CASKIN1: variants seen among roughly 807,000 people sequenced by gnomAD.
CASKIN1 encodes the protein CASK interacting protein 1.
A neutral mutation model predicts 117.5 loss-of-function variants in CASKIN1; 42 were observed. That is an observed-to-expected ratio of 0.36 (90% CI 0.28 to 0.46). CASKIN1 has a LOEUF of 0.46. Among genes scored for constraint, CASKIN1 ranks in the 20% least tolerant of loss-of-function variants. CASKIN1 has a pLI of 1.00. For missense variants in CASKIN1, 2,083 were observed against 2,077.3 expected, an observed-to-expected ratio of 1.00 and a Z score of -0.05; for synonymous variants, 1,148 against 961.7, an observed-to-expected ratio of 1.19 and a Z score of -3.59.
In CASKIN1 at chr16:2,179,091, T is replaced by A; in HGVS notation, c.4010A>T (p.His1337Leu). Residue 1337 changes from histidine to leucine, a missense_variant, in exon 19 of 20, where the codon CAC (histidine) becomes CTC (leucine). Transcript: ENST00000343516. The surrounding 1 kb of genome is among the most constrained non-coding windows in gnomAD (Gnocchi z 5.8). ...GGCTCGCGGGGGCTTGGCGGGCACG[T>A]GCAGCGCGGGCGCGCCGGGGGACGG... ...KPPSPGAPAL[H>L]VPAKPPRAAA... 1.0e-6 allele frequency: 1 copy of A among 981,064 alleles called. No homozygotes were observed. Among genetic ancestry groups the A allele is most frequent in the Non-Finnish European group, 1.2e-6 (1 of 830,884 alleles). The allele number at this position is 981,064 out of a possible 1,614,324, so 60.8% of individuals were successfully genotyped here.
intron 3 of CASKIN1, 102 bp from the exon 4 acceptor site, chr16:2,189,666 TG>T: frequency 2.5e-6 from 3 of 1,180,500 alleles, no homozygotes; most frequent in Non-Finnish European, 3.5e-6. Context: ...AGTCCAACCC[TG>T]GGGGGTGGGA....
chr16:2,187,762 C>T lies in CASKIN1; in HGVS notation c.618-301G>A, dbSNP rs369704461. 4.4e-4 allele frequency among the ~76,000 whole-genome samples: 67 copies of T among 152,246 alleles called. No individual in the cohort carries two copies. The East Asian group carries it at 0.012, about 27-fold the overall frequency. ...TCAGCCTCCGGAGTAGCTGGGATCA[C>T]AGGCACCTGCCACCACACCCAGCTA... On this transcript the variant is annotated intron_variant, in intron 6 of 19. Coordinates refer to ENST00000343516, the MANE Select transcript of CASKIN1 (RefSeq NM_020764.4).
chr16:2,185,212 G>C lies in CASKIN1; in HGVS notation c.1151-13C>G, dbSNP rs1444054015. ...CTTCGGTCCCCACCTGCCAGCACAA[G>C]GGAGCAAGATGAGGCCAGTGCCGGC... is the stretch of plus-strand genomic sequence containing the variant. On this transcript the variant is annotated splice_polypyrimidine_tract_variant and intron_variant, in intron 11 of 19. Transcript: ENST00000343516. 6.2e-7 allele frequency: 1 copy of C among 1,611,416 alleles called. No individual in the cohort carries two copies. Among genetic ancestry groups the C allele is most frequent in the Non-Finnish European group, 8.5e-7 (1 of 1,179,246 alleles).
chr16:2,189,330 C>T lies in CASKIN1; in HGVS notation c.394G>A (p.Glu132Lys), dbSNP rs1423243071. The T allele has an allele frequency of 6.2e-7, 1 of 1,612,994 alleles. No homozygotes were observed. The highest frequency in any genetic ancestry group is 1.7e-5 in the Admixed American group (1 of 59,998). The change falls in exon 5 of 20, where the codon GAG (glutamate) becomes AAG (lysine). Residue 132 changes from glutamate to lysine, a missense_variant. By Grantham distance (56) the Glu-to-Lys change is moderately conservative (BLOSUM62 1). Transcript: ENST00000343516. ...TTAGACTGGTGCTGTAGCAGCATCT[C>T]AGACTGGGGGCCAAGGGCGCAGTCA... is the stretch of plus-strand genomic sequence containing the variant. ...AAQHGHYDVS[E>K]MLLQHQSNPC...
Position 2,183,833 on chromosome 16 carries a change from C to A in CASKIN1, c.1525G>T (p.Glu509Ter), listed in dbSNP as rs750494516. 1 of 1,612,594 alleles carries A rather than the reference C, an allele frequency of 6.2e-7. No individual in the cohort carries two copies. The highest frequency in any genetic ancestry group is 1.3e-5 in the African/African-American group (1 of 74,934). ...DLPTISRMTP[E>*]DLTAIGVTKP... ...CTGGCGGCGCATGGAAAGCTCACCTCGGGAGTCATGCGGCTGATGGTGGGC... is the reference window on the plus strand; with the variant it reads ...CTGGCGGCGCATGGAAAGCTCACCTAGGGAGTCATGCGGCTGATGGTGGGC... The change falls in exon 15 of 20, where the codon GAG (glutamate) becomes TAG (stop). Residue 509 changes from glutamate to a stop codon, truncating the protein, a stop_gained and splice_region_variant. Coordinates refer to ENST00000343516, the MANE Select transcript of CASKIN1 (RefSeq NM_020764.4). LOFTEE classifies it high-confidence loss of function.
rs116093692 is a variant in CASKIN1 at position 2,186,990 on chromosome 16, C to T, written c.918G>A (p.Gly306=). 1,267 of 1,613,706 alleles carry T rather than the reference C, an allele frequency of 7.9e-4. 8 individuals are homozygous for T. The African/African-American group carries it at 0.015, about 19-fold the overall frequency. The change falls in exon 9 of 20, where the codon GGG becomes GGA. Residue 306 remains glycine (G), a synonymous_variant. Coordinates refer to ENST00000343516, the MANE Select transcript of CASKIN1 (RefSeq NM_020764.4). ...GGGCCATGCTTACTGTGATGATGTCCCCTGCCTTCACGTTGAGGCTGGTCA... is the reference window on the plus strand; with the variant it reads ...GGGCCATGCTTACTGTGATGATGTCTCCTGCCTTCACGTTGAGGCTGGTCA... ...YDLTSLNVKA[G]DIITVLEQHP... is the part of the protein sequence containing the mutation.
At chr16:2,178,800 C>A (rs933344345) in intron 19 of CASKIN1, 102 bp downstream of exon 19, 1 of 1,197,610 alleles carries the variant, frequency 8.3e-7, no homozygotes, top group Non-Finnish European at 1.0e-6. Context: ...CCATCTCTGC[C>A]GAGCCCCGCC....
chr16:2,190,433 G>C, intron 1 of CASKIN1, 75 bp from the exon 2 acceptor site: 1 of 1,322,922 alleles, frequency 7.6e-7, no homozygotes, highest in Non-Finnish European at 1.1e-6. Flanking sequence ...GGGAGAGGGG[G>C]CCAGCCATCT....
rs2093179329 is a variant in CASKIN1 at position 2,184,931 on chromosome 16, G to A, written c.1324+20C>T. 1 of 1,586,782 alleles carries A rather than the reference G, an allele frequency of 6.3e-7. No individual in the cohort carries two copies. On this transcript the variant is annotated intron_variant, in intron 13 of 19. Coordinates refer to ENST00000343516, the MANE Select transcript of CASKIN1 (RefSeq NM_020764.4). ...GCTGCTTTCCTCCATCGGGCTGCGT[G>A]GCAGCACCCTTGCTCTTACCTGCAG...
Position 2,187,376 on chromosome 16 carries a change from C to G in CASKIN1, c.703G>C (p.Glu235Gln). 1 of 1,612,782 alleles carries G rather than the reference C, an allele frequency of 6.2e-7. No homozygotes were observed. Among genetic ancestry groups the G allele is most frequent in the African/African-American group, 1.3e-5 (1 of 75,060 alleles). ...ACATCCAGCAGCAGCCGCACCACCT[C>G]TGTCTTTCCGCAGAGCGCAGCCTCG... ...LHEAALCGKT[E>Q]VVRLLLDSGI... The change falls in exon 7 of 20, where the codon GAG becomes CAG. Residue 235 changes from glutamate (E) to glutamine (Q), a missense_variant. Glu to Gln is a conservative substitution (Grantham distance 29). This residue lies in a region of CASKIN1 where 203 missense variants were observed against 338.7 expected (regional missense o/e 0.60). Coordinates refer to ENST00000343516, the MANE Select transcript of CASKIN1 (RefSeq NM_020764.4).
chr16:2,183,536 C>G (rs1217716035), intron 16 of CASKIN1, 110 bp downstream of exon 16: 1 of 1,048,256 alleles, frequency 9.5e-7, no homozygotes, highest in African/African-American at 1.6e-5. Context: ...ACTCTCCTCT[C>G]CCTCAAGCCC....
rs757529272 is a variant in CASKIN1 at position 2,179,990 on chromosome 16, C to A, written c.3378G>T (p.Arg1126Ser). 6.2e-7 allele frequency: 1 copy of A among 1,605,020 alleles called. No individual in the cohort carries two copies. The highest frequency in any genetic ancestry group is 8.5e-7 in the Non-Finnish European group (1 of 1,176,294). Residue 1126 changes from arginine (R) to serine (S), a missense_variant, in exon 18 of 20, where the codon AGG becomes AGT. Coordinates refer to ENST00000343516, the MANE Select transcript of CASKIN1 (RefSeq NM_020764.4). The surrounding 1 kb of genome is among the most constrained non-coding windows in gnomAD (Gnocchi z 5.8). ...AKVEASATLK[R>S]RIRAKQNQQE... ...GCTGGTTCTGCTTGGCCCGGATGCG[C>A]CTCTTGAGTGTGGCGCTGGCTTCCA...
At position 2,181,262 on chromosome 16, in the gene CASKIN1, G is replaced by T. The variant is rs2093167026; in HGVS notation, c.2106C>A (p.His702Gln). The change falls in exon 18 of 20, where the codon CAC (histidine) becomes CAA (glutamine). Residue 702 changes from histidine (H) to glutamine (Q), a missense_variant. By Grantham distance (24) the His-to-Gln change is conservative. This residue lies in a region of CASKIN1 where 1,818 missense variants were observed against 1,688.9 expected (regional missense o/e 1.08). Coordinates refer to ENST00000343516, the MANE Select transcript of CASKIN1 (RefSeq NM_020764.4). ...CCAGCAGCTCCTGCGAGCTGCTCAT[G>T]TGCCGTGCCCGACCACCCAGGCTGG... ...QDSSLGGRAR[H>Q]MSSSQELLGD... 4 of 1,600,260 alleles carry T rather than the reference G, an allele frequency of 2.5e-6. No individual in the cohort carries two copies. Among genetic ancestry groups the T allele is most frequent in the Non-Finnish European group, 3.4e-6 (4 of 1,178,806 alleles).
intron 1 of CASKIN1, among the ~76,000 whole-genome samples, chr16:2,193,957 G>A (rs528333774): frequency 6.6e-6 from 1 of 152,304 alleles, no homozygotes; most frequent in East Asian, 1.9e-4. Flanking sequence ...AGCAGAGCAT[G>A]GCTGGAGGGG....
In CASKIN1 at chr16:2,184,965, G is replaced by A. The variant is rs1242570609; in HGVS notation, c.1310C>T (p.Pro437Leu). ...SGPGDSPAKP[P>L]EGSAGVARSQ... ...CTTGCTCTTACCTGCAGAGCCTTCCGGAGGCTTGGCGGGGCTGTCCCCCGG... is the reference window on the plus strand; with the variant it reads ...CTTGCTCTTACCTGCAGAGCCTTCCAGAGGCTTGGCGGGGCTGTCCCCCGG... The change falls in exon 13 of 20, where the codon CCG becomes CTG. Residue 437 changes from proline to leucine, a missense_variant. Transcript: ENST00000343516. 20 of 1,604,684 alleles carry A rather than the reference G, an allele frequency of 1.2e-5. No homozygotes were observed. The highest frequency in any genetic ancestry group is 1.3e-5 in the Non-Finnish European group (15 of 1,173,092).
At chr16:2,190,040 C>T in intron 3 of CASKIN1, 33 bp downstream of exon 3, 1 of 1,591,146 alleles carries the variant, frequency 6.3e-7, no homozygotes, top group Non-Finnish European at 8.6e-7. Context: ...GCCCCCGCCC[C>T]TGCCCCCACC....
In CASKIN1 at chr16:2,185,104, C is replaced by T; in HGVS notation, c.1239+7G>A. 1.9e-6 allele frequency: 3 copies of T among 1,609,494 alleles called. No homozygotes were observed. Among genetic ancestry groups the T allele is most frequent in the Admixed American group, 1.7e-5 (1 of 59,958 alleles). On this transcript the variant is annotated splice_region_variant and intron_variant, in intron 12 of 19. Transcript: ENST00000343516. Reference sequence around the variant, plus strand: ...GCCACCCTGGCCCTGGCCACTACCCCACCTACCTTGACGCCTTCAGAGCCC... The same window carrying T: ...GCCACCCTGGCCCTGGCCACTACCCTACCTACCTTGACGCCTTCAGAGCCC...
Position 2,177,972 on chromosome 16 carries a change from G to C in CASKIN1, c.*578C>G, listed in dbSNP as rs758817740. On this transcript the variant is annotated 3_prime_UTR_variant, in exon 20 of 20. Transcript: ENST00000343516. ...CTGGGCCTCTAACAGCTTTTGTCCG[G>C]AGCTAGACTTCGTGTCCTTTCAGTT... 2.6e-6 allele frequency: 1 copy of C among 381,196 alleles called. No individual in the cohort carries two copies. Among genetic ancestry groups the C allele is most frequent in the Non-Finnish European group, 4.9e-6 (1 of 202,868 alleles). The allele number at this position is 381,196 out of a possible 1,614,324, so 23.6% of individuals were successfully genotyped here.
chr16:2,181,743 T>C, intron 17 of CASKIN1, 48 bp downstream of exon 17: 2 of 1,591,534 alleles, frequency 1.3e-6, no homozygotes, highest in South Asian at 2.2e-5. Context: ...TGGCTGGGGC[T>C]TGGGCTGAGG....
Sources: allele counts gnomAD v4.1 joint callset (sites outside exome capture counted in the v4.1 genomes callset), GRCh38; gene constraint gnomAD v4.1.1; regional missense constraint gnomAD v4.1.1; non-coding constraint Gnocchi (gnomAD v3.1); transcripts MANE v1.5; gene names NCBI Gene and HGNC (gene_info 2026-07-23, HGNC 2026-07-21).